SHISA4: variants seen among roughly 807,000 people sequenced by gnomAD.
The protein encoded by SHISA4 is shisa family member 4.
Under a neutral mutation model 24.2 loss-of-function variants are expected in SHISA4, and 16 were observed. That is an observed-to-expected ratio of 0.66 (90% CI 0.45 to 1.00). SHISA4 has a LOEUF of 1.00. Among genes scored for constraint, SHISA4 ranks in the 50% least tolerant of loss-of-function variants. The pLI, the probability that SHISA4 is intolerant of heterozygous loss-of-function variation, is 0.00. For synonymous variants in SHISA4, 106 were observed against 105.4 expected, an observed-to-expected ratio of 1.01 and a Z score of -0.04; for missense variants, 238 against 258.9, an observed-to-expected ratio of 0.92 and a Z score of 0.55.
upstream of SHISA4, chr1:201,888,687 T>G: frequency 3.4e-6 from 1 of 295,092 alleles, no homozygotes. Context: ...GCAGTGCCCA[T>G]GGTGGCTCGG....
Position 201,891,965 on chromosome 1 carries a change from C to A in SHISA4, c.*119C>A, listed in dbSNP as rs1681109093. 3 of 1,217,596 alleles carry A rather than the reference C, an allele frequency of 2.5e-6. No homozygotes were observed. The highest frequency in any genetic ancestry group is 1.2e-5 in the South Asian group (1 of 80,840). The allele number at this position is 1,217,596 out of a possible 1,614,324, so 75.4% of individuals were successfully genotyped here. A position where few individuals can be genotyped will look rare whatever the true frequency, so the allele number is the denominator to read the frequency against. On this transcript the variant is annotated 3_prime_UTR_variant, in exon 5 of 5. Transcript: ENST00000362011. ...GTCCTCCAGCCACCAGGCCCCAGACCAAGCCAAGCCCTGGGCCCTACTGGG... is the reference window on the plus strand; with the variant it reads ...GTCCTCCAGCCACCAGGCCCCAGACAAAGCCAAGCCCTGGGCCCTACTGGG...
chr1:201,890,974 G>A (rs1038158177), intron 3 of SHISA4, among the ~76,000 whole-genome samples: 1 of 152,124 alleles, frequency 6.6e-6, no homozygotes, highest in African/African-American at 2.4e-5. Flanking sequence ...CCTGAGTGTT[G>A]GCATGTGATG....
In SHISA4 at chr1:201,889,631, C is replaced by T. The variant is rs758099337; in HGVS notation, c.245+15C>T. The T allele has an allele frequency of 4.3e-6, 7 of 1,612,494 alleles. No homozygotes were observed. In the African/African-American group the frequency reaches 5.3e-5, roughly 12 times the overall value. ...CTGGCCTTCAGGTGGGTTCCTGCCT[C>T]CTCACCCTCACCACCTCCTCTATCC... On this transcript the variant is annotated intron_variant, in intron 2 of 4. Coordinates refer to ENST00000362011, the MANE Select transcript of SHISA4 (RefSeq NM_198149.3).
chr1:201,892,549 C>A lies in SHISA4; in HGVS notation c.*703C>A, dbSNP rs1227840388. Among the ~76,000 whole-genome samples the A allele has an allele frequency of 3.3e-5, 5 of 152,128 alleles. No individual in the cohort carries two copies. Among genetic ancestry groups the A allele is most frequent in the African/African-American group, 1.2e-4 (5 of 41,424 alleles). ...TCTGAAGAGATGCTCGTTTGCACTACAGATATTCCCTGCTAGGGATCAACA... is the reference window on the plus strand; with the variant it reads ...TCTGAAGAGATGCTCGTTTGCACTAAAGATATTCCCTGCTAGGGATCAACA... On this transcript the variant is annotated 3_prime_UTR_variant, in exon 5 of 5. Coordinates refer to ENST00000362011, the MANE Select transcript of SHISA4 (RefSeq NM_198149.3).
intron 3 of SHISA4, 146 bp from the exon 4 acceptor site, chr1:201,891,255 C>G (rs920658136): frequency 2.2e-6 from 2 of 900,248 alleles, no homozygotes; most frequent in South Asian, 1.5e-5. Context: ...CTTAACTCTG[C>G]CAAGCAGGGT....
rs1395003456 is a variant in SHISA4, at chr1:201,890,501, C to T, written c.293C>T (p.Ala98Val). The T allele has an allele frequency of 6.2e-7, 1 of 1,614,272 alleles. No individual in the cohort carries two copies. Among genetic ancestry groups the T allele is most frequent in the South Asian group, 1.1e-5 (1 of 91,092 alleles). The change falls in exon 3 of 5, where the codon GCT becomes GTT. Residue 98 changes from alanine (A) to valine (V), a missense_variant. Ala to Val is a moderately conservative substitution (Grantham distance 64, BLOSUM62 0). Coordinates refer to ENST00000362011, the MANE Select transcript of SHISA4 (RefSeq NM_198149.3). Reference protein sequence around the residue: ...GIASAVILFVAVVATTICCFL... With the variant: ...GIASAVILFVVVVATTICCFL... The stretch of plus-strand genomic sequence containing the variant: ...GCCTCAGCTGTGATCCTCTTTGTTG[C>T]TGTGGTTGCCACCACCATCTGCTGC...
intron 1 of SHISA4, 39 bp downstream of exon 1, chr1:201,889,106 G>T: frequency 7.2e-7 from 1 of 1,387,026 alleles, no homozygotes; most frequent in Non-Finnish European, 9.4e-7. Context: ...AGTGGGATGG[G>T]GGCGGAGGAA....
chr1:201,891,447 A>G lies in SHISA4; in HGVS notation c.426A>G (p.Pro142=), dbSNP rs1012588921. ...GCATCCCAGTGCAGCCAGTATACCC[A>G]TACCCCCAGGACCCCAAAGCTGGCC... The part of the protein sequence containing the change: ...MTGIPVQPVY[P]YPQDPKAGPA... The change falls in exon 4 of 5, where the codon CCA becomes CCG. Residue 142 remains proline (P), a synonymous_variant. Transcript: ENST00000362011. 10 of 1,613,666 alleles carry G rather than the reference A, an allele frequency of 6.2e-6. No homozygotes were observed. The highest frequency in any genetic ancestry group is 6.8e-6 in the Non-Finnish European group (8 of 1,179,880).
At chr1:201,889,202 C>T (rs1681044349) in intron 1 of SHISA4, 135 bp downstream of exon 1, 1 of 997,058 alleles carries the variant, frequency 1.0e-6, no homozygotes, top group East Asian at 2.7e-5. Flanking sequence ...TTGCTGGGTC[C>T]TCAAGAAGCG....
At chr1:201,889,292 G>T in intron 1 of SHISA4, 153 bp from the exon 2 acceptor site, 1 of 1,115,608 alleles carries the variant, frequency 9.0e-7, no homozygotes, top group Non-Finnish European at 1.3e-6. Context: ...AGGCCTCGGG[G>T]GCTCTGGGGC....
intron 1 of SHISA4, 110 bp from the exon 2 acceptor site, chr1:201,889,335 C>A: frequency 6.8e-6 from 10 of 1,463,426 alleles, no homozygotes; most frequent in Non-Finnish European, 9.3e-6. Context: ...AGGGGCAACC[C>A]TCAGTGTTCG....
intron 2 of SHISA4, among the ~76,000 whole-genome samples, chr1:201,890,193 T>A (rs1681066580): frequency 6.6e-6 from 1 of 152,174 alleles, no homozygotes; most frequent in Admixed American, 6.5e-5. Context: ...TGTCTAATCA[T>A]TTAAGTTGTA....
intron 2 of SHISA4, 100 bp from the exon 3 acceptor site, chr1:201,890,354 C>A: frequency 1.3e-6 from 2 of 1,491,250 alleles, no homozygotes; most frequent in Non-Finnish European, 1.8e-6. Flanking sequence ...CAAATCTCAG[C>A]ATGCCATGGC....
Position 201,891,945 on chromosome 1 carries a change from C to G in SHISA4, c.*99C>G. ...TGGTCCTGGGGGTGGCAGGAGTCCT[C>G]CAGCCACCAGGCCCCAGACCAAGCC... On this transcript the variant is annotated 3_prime_UTR_variant, in exon 5 of 5. Transcript: ENST00000362011. 1 of 1,436,482 alleles carries G rather than the reference C, an allele frequency of 7.0e-7. No individual in the cohort carries two copies. 89.0% of individuals were successfully genotyped at this position (1,436,482 alleles called of 1,614,324 possible). A position where few individuals can be genotyped will look rare whatever the true frequency, so the allele number is the denominator to read the frequency against.
chr1:201,891,367 G>C (rs767293325), intron 3 of SHISA4, 34 bp from the exon 4 acceptor site: 8 of 1,613,362 alleles, frequency 5.0e-6, no homozygotes, highest in Non-Finnish European at 5.1e-6. Flanking sequence ...ATAGGAGATG[G>C]GTCTCTGAAT....
Position 201,890,554 on chromosome 1 carries a change from C to G in SHISA4, c.346C>G (p.Arg116Gly). ...CFLCSCCYLY[R>G]RRQQLQSPFE... is the part of the protein sequence containing the mutation. ...CCTCTGTTCCTGTTGCTACCTGTAC[C>G]GCCGGCGCCAGCAGCTCCAGAGCCC... Residue 116 changes from arginine (R) to glycine (G), a missense_variant, in exon 3 of 5, where the codon CGC becomes GGC. Coordinates refer to ENST00000362011, the MANE Select transcript of SHISA4 (RefSeq NM_198149.3). 1 of 1,614,208 alleles carries G rather than the reference C, an allele frequency of 6.2e-7. No homozygotes were observed. The highest frequency in any genetic ancestry group is 8.5e-7 in the Non-Finnish European group (1 of 1,180,036).
At chr1:201,889,117 G>A in intron 1 of SHISA4, 50 bp downstream of exon 1, 1 of 1,379,258 alleles carries the variant, frequency 7.3e-7, no homozygotes, top group East Asian at 2.7e-5. Context: ...GGCGGAGGAA[G>A]GGGAGGGACC....
Position 201,890,512 on chromosome 1 carries a change from A to G in SHISA4, c.304A>G (p.Thr102Ala). ...AVILFVAVVA[T>A]TICCFLCSCC... ...GATCCTCTTTGTTGCTGTGGTTGCC[A>G]CCACCATCTGCTGCTTCCTCTGTTC... The change falls in exon 3 of 5, where the codon ACC becomes GCC. Residue 102 changes from threonine (T) to alanine (A), a missense_variant. Physicochemically the swap from Thr to Ala is moderately conservative, Grantham distance 58. Coordinates refer to ENST00000362011, the MANE Select transcript of SHISA4 (RefSeq NM_198149.3). 1 of 1,614,226 alleles carries G rather than the reference A, an allele frequency of 6.2e-7. No homozygotes were observed. The highest frequency in any genetic ancestry group is 8.5e-7 in the Non-Finnish European group (1 of 1,180,044).
In SHISA4 at chr1:201,888,918, C is replaced by G; in HGVS notation, c.-77C>G. On this transcript the variant is annotated 5_prime_UTR_variant, in exon 1 of 5. Coordinates refer to ENST00000362011, the MANE Select transcript of SHISA4 (RefSeq NM_198149.3). ...AGCCTGGCCGCGGGCTGGGCCCCGC[C>G]GCAGCTCCAGCTGGCCGGCTTGGTC... 9.5e-7 allele frequency: 1 copy of G among 1,051,932 alleles called. No individual in the cohort carries two copies. The highest frequency in any genetic ancestry group is 1.2e-6 in the Non-Finnish European group (1 of 801,842). The allele number at this position is 1,051,932 out of a possible 1,614,324, so 65.2% of individuals were successfully genotyped here. A position where few individuals can be genotyped will look rare whatever the true frequency, so the allele number is the denominator to read the frequency against.
Sources: gnomAD v4.1 joint callset for allele counts (sites outside exome capture counted in the v4.1 genomes callset) on GRCh38, gnomAD v4.1.1 for gene constraint, MANE v1.5 for transcripts, NCBI Gene and HGNC (gene_info 2026-07-23, HGNC 2026-07-21) for gene names.